Variants in MOB1B observed in about 807,000 individuals in gnomAD.
MOB1B encodes the protein MOB1 Mps One Binder homolog B.
In MOB1B, 19 loss-of-function variants were observed where a neutral mutation model predicts 24.4. The ratio of observed to expected loss-of-function variants is 0.78; its 90% CI spans 0.54 to 1.14. The LOEUF (loss-of-function observed/expected upper bound fraction) is 1.14. MOB1B is among the 50% of genes most tolerant of loss of function. The probability of loss-of-function intolerance (pLI) is 0.00; values close to 1 mark genes in which losing one functional copy is unlikely to be tolerated. For synonymous variants in MOB1B, 76 were observed against 82.1 expected (o/e 0.93, Z 0.40); for missense variants, 243 against 259.6 (o/e 0.94, Z 0.44).
At chr4:70,979,901 A>G (rs1165101004) in intron 5 of MOB1B, among the ~76,000 whole-genome samples, 1 of 152,188 alleles carries the variant, frequency 6.6e-6, no homozygotes, top group Non-Finnish European at 1.5e-5. Flanking sequence ...GAGCAGTGAC[A>G]GTATTCTCAC....
intron 1 of MOB1B, among the ~76,000 whole-genome samples, chr4:70,930,953 A>G (rs946463234): frequency 2.1e-5 from 3 of 143,448 alleles, no homozygotes; most frequent in Admixed American, 7.6e-5. Flanking sequence ...AACATTTTTA[A>G]TTGTACCTTT....
At chr4:70,916,274 G>C (rs781483182) in intron 1 of MOB1B, among the ~76,000 whole-genome samples, 2 of 152,174 alleles carry the variant, frequency 1.3e-5, no homozygotes, top group African/African-American at 2.4e-5. Flanking sequence ...GTCTCAGCAC[G>C]TCATTCATAG....
rs1739366597 is a variant in MOB1B at position 70,985,989 on chromosome 4, A to G, written c.*3932A>G. ...AATAAAAGAATAGTTTCCTGATGTC[A>G]CTATTTTGAAGTGGAAATTATCACT... On this transcript the variant is annotated 3_prime_UTR_variant, in exon 6 of 6. Transcript: ENST00000309395. 2.0e-5 allele frequency: 3 copies of G among 152,210 alleles called. No individual in the cohort carries two copies. The highest frequency in any genetic ancestry group is 7.2e-5 in the African/African-American group (3 of 41,458). The allele number at this position is 152,210 out of a possible 1,614,324, so 9.4% of individuals were successfully genotyped here. A position where few individuals can be genotyped will look rare whatever the true frequency, so the allele number is the denominator to read the frequency against.
At chr4:70,913,003 C>T (rs906486929) in intron 1 of MOB1B, among the ~76,000 whole-genome samples, 4 of 152,206 alleles carry the variant, frequency 2.6e-5, no homozygotes, top group Non-Finnish European at 5.9e-5. Context: ...GCAATTTGCC[C>T]GGCCTTGGCC....
At chr4:70,963,562 G>C (rs906558328) in intron 2 of MOB1B, among the ~76,000 whole-genome samples, 4 of 152,142 alleles carry the variant, frequency 2.6e-5, no homozygotes, top group Non-Finnish European at 4.4e-5. Flanking sequence ...GCTCATGCCT[G>C]TAATCTTTGC....
At position 70,916,838 on chromosome 4, in the gene MOB1B, G is replaced by T. The variant is rs28897377; in HGVS notation, c.14+14288G>T. The stretch of plus-strand genomic sequence containing the variant: ...CCCACCTCGACCTCTCAAACTGCTG[G>T]GATTACAGGCATGAGCCACTGCGCC... On this transcript the variant is annotated intron_variant, in intron 1 of 5. Coordinates refer to ENST00000309395, the MANE Select transcript of MOB1B (RefSeq NM_173468.4). Among the ~76,000 whole-genome samples the T allele has an allele frequency of 1.9e-3, 284 of 152,166 alleles. 1 individual carries two copies. Among genetic ancestry groups the T allele is most frequent in the African/African-American group, 6.5e-3 (268 of 41,500 alleles).
intron 1 of MOB1B, among the ~76,000 whole-genome samples, chr4:70,956,597 A>T (rs1418893101): frequency 5.3e-5 from 8 of 151,538 alleles, no homozygotes; most frequent in African/African-American, 1.9e-4. Context: ...CACTTGGTTA[A>T]GTTTTGTATT....
intron 1 of MOB1B, among the ~76,000 whole-genome samples, chr4:70,939,634 C>A (rs142761303): frequency 6.6e-6 from 1 of 152,192 alleles, no homozygotes; most frequent in Non-Finnish European, 1.5e-5. Context: ...TTCCCTTGTC[C>A]CCCTTAAAGG....
At chr4:70,956,477 C>A (rs1423595133) in intron 1 of MOB1B, among the ~76,000 whole-genome samples, 1 of 151,984 alleles carries the variant, frequency 6.6e-6, no homozygotes, top group East Asian at 1.9e-4. Flanking sequence ...ATCACCCAGG[C>A]TGGAAAGCAG....
intron 4 of MOB1B, among the ~76,000 whole-genome samples, chr4:70,977,382 G>A (rs1007221912): frequency 6.6e-6 from 1 of 152,048 alleles, no homozygotes; most frequent in African/African-American, 2.4e-5. Context: ...TTTTAAATGA[G>A]CAATAGCAAT....
intron 5 of MOB1B, among the ~76,000 whole-genome samples, chr4:70,981,616 A>C (rs1474396539): frequency 6.6e-6 from 1 of 152,282 alleles, no homozygotes; most frequent in East Asian, 1.9e-4. Flanking sequence ...GTCTATGTCT[A>C]CTTGGTTAAC....
intron 1 of MOB1B, among the ~76,000 whole-genome samples, chr4:70,922,486 G>GT (rs1016912875): frequency 1.3e-5 from 2 of 152,168 alleles, no homozygotes; most frequent in African/African-American, 4.8e-5. Flanking sequence ...TCATAGGTAG[G>GT]TGGGAGACAA....
rs972778706 is a variant in MOB1B at position 70,958,950 on chromosome 4, C to T, written c.91C>T (p.His31Tyr). 2 of 1,613,968 alleles carry T rather than the reference C, an allele frequency of 1.2e-6. No homozygotes were observed. The highest frequency in any genetic ancestry group is 2.7e-5 in the African/African-American group (2 of 74,968). Residue 31 changes from histidine to tyrosine, a missense_variant, in exon 2 of 6, where the codon CAC (histidine) becomes TAC (tyrosine). His to Tyr is a moderately conservative substitution (Grantham distance 83, BLOSUM62 2). Transcript: ENST00000309395. ...EGSHQYELLK[H>Y]AEATLGSGNL... ...TTCTCACCAGTATGAGCTCTTAAAA[C>T]ACGCAGAAGCCACACTTGGCAGTGG...
chr4:70,946,306 A>G (rs1337897262), intron 1 of MOB1B, among the ~76,000 whole-genome samples: 4 of 152,108 alleles, frequency 2.6e-5, no homozygotes, highest in Admixed American at 6.6e-5. Flanking sequence ...CGCAATAAGA[A>G]TAAGATTTTT....
At chr4:70,972,797 G>A (rs1054900796) in intron 3 of MOB1B, among the ~76,000 whole-genome samples, 10 of 151,962 alleles carry the variant, frequency 6.6e-5, no homozygotes, top group Non-Finnish European at 1.3e-4. Flanking sequence ...TTTTTGAGAC[G>A]GAGTCTCGCT....
intron 1 of MOB1B, among the ~76,000 whole-genome samples, chr4:70,928,636 T>C (rs1736753145): frequency 6.6e-6 from 1 of 152,144 alleles, no homozygotes; most frequent in Non-Finnish European, 1.5e-5. Context: ...AGAGTATGAG[T>C]GATTCTCCTC....
intron 1 of MOB1B, among the ~76,000 whole-genome samples, chr4:70,925,239 A>T (rs1326405432): frequency 6.6e-6 from 1 of 151,898 alleles, no homozygotes; most frequent in Non-Finnish European, 1.5e-5. Context: ...GTTTCACCAT[A>T]TTGGCCAGGC....
At chr4:70,967,752 T>C (rs922360400) in intron 2 of MOB1B, among the ~76,000 whole-genome samples, 6 of 152,174 alleles carry the variant, frequency 3.9e-5, no homozygotes, top group Non-Finnish European at 4.4e-5. Flanking sequence ...ATCAAAAATA[T>C]CAACCTAGGA....
chr4:70,923,919 C>A (rs1255487733), intron 1 of MOB1B, among the ~76,000 whole-genome samples: 2 of 141,886 alleles, frequency 1.4e-5, no homozygotes, highest in East Asian at 4.1e-4. Context: ...TGCACTCCAG[C>A]CTGGGCAACA....
Sources: allele counts gnomAD v4.1 joint callset (sites outside exome capture counted in the v4.1 genomes callset), GRCh38; gene constraint gnomAD v4.1.1; transcripts MANE v1.5; gene names NCBI Gene and HGNC (gene_info 2026-07-23, HGNC 2026-07-21).